The following CDK20 variants were observed in gnomAD, a reference collection of about 807,000 sequenced individuals.
The protein encoded by CDK20 is cyclin dependent kinase 20, also known as cyclin-dependent kinase 20.
A neutral mutation model predicts 38.6 loss-of-function variants in CDK20; 40 were observed. That is an observed-to-expected ratio of 1.04 (90% CI 0.81 to 1.35). The LOEUF (loss-of-function observed/expected upper bound fraction) is 1.35. Ranked by LOEUF, CDK20 falls within the 40% of genes most tolerant of loss-of-function variation. The pLI is 0.00. For missense variants in CDK20, 512 were observed against 452.6 expected (o/e 1.13, Z -1.19); for synonymous variants, 209 against 185.7 (o/e 1.13, Z -1.02).
rs912339168 is a variant in CDK20 at position 87,966,893 on chromosome 9, A to G, written c.*569T>C. ...GGTGCTACCCTCCCCATGACCCCAAAAACGAGAGCCATGAGACAATGCCAC... is the reference window on the plus strand; with the variant it reads ...GGTGCTACCCTCCCCATGACCCCAAGAACGAGAGCCATGAGACAATGCCAC... On this transcript the variant is annotated 3_prime_UTR_variant, in exon 8 of 8. Transcript: ENST00000325303. 2.7e-5 allele frequency: 10 copies of G among 376,472 alleles called. No homozygotes were observed. The East Asian group carries it at 5.8e-4, about 22-fold the overall frequency. 23.3% of individuals were successfully genotyped at this position (376,472 alleles called of 1,614,324 possible).
rs534274923 is a variant in CDK20, at chr9:87,967,371, A to C, written c.*91T>G. 8.7e-5 allele frequency: 112 copies of C among 1,287,180 alleles called. No individual in the cohort carries two copies. The Admixed American group carries it at 9.1e-4, about 10-fold the overall frequency. The allele number at this position is 1,287,180 out of a possible 1,614,324, so 79.7% of individuals were successfully genotyped here. On this transcript the variant is annotated 3_prime_UTR_variant, in exon 8 of 8. Transcript: ENST00000325303. ...GTGTGGGCCCACTGTGGCCATGGGG[A>C]GGCCTTGGAGGGTGAAGCCAGGCAG...
chr9:87,968,230 C>G (rs909974110), intron 7 of CDK20: 1 of 152,898 alleles, frequency 6.5e-6, no homozygotes, highest in Non-Finnish European at 1.5e-5. Context: ...ACAGGAGGGC[C>G]CTGGCAGAGA....
Position 87,970,424 on chromosome 9 carries a change from C to T in CDK20, c.563+144G>A, listed in dbSNP as rs768958664. 8.6e-5 allele frequency: 64 copies of T among 740,824 alleles called. No individual in the cohort carries two copies. In the Admixed American group the frequency reaches 1.2e-3, roughly 14 times the overall value. The allele number at this position is 740,824 out of a possible 1,614,324, so 45.9% of individuals were successfully genotyped here. ...AGTGAGGAACCCCAACCCCAAAGTGCTCAGAATACCCCAACCAGGGAAGAC... is the reference window on the plus strand; with the variant it reads ...AGTGAGGAACCCCAACCCCAAAGTGTTCAGAATACCCCAACCAGGGAAGAC... On this transcript the variant is annotated intron_variant, in intron 5 of 7. Coordinates refer to ENST00000325303, the MANE Select transcript of CDK20 (RefSeq NM_001039803.3).
chr9:87,970,795 T>C lies in CDK20; in HGVS notation c.481A>G (p.Thr161Ala). The change falls in exon 4 of 8, where the codon ACA (threonine) becomes GCA (alanine). Residue 161 changes from threonine (T) to alanine (A), a missense_variant. Transcript: ENST00000325303. ...CCCTACCTGGTGGCCACCTGGTGTG[T>C]GTAGAGGCGGCTGCCGTCTGGGGAA... ...VFSPDGSRLYTHQVATRWYRA... is the reference protein window; with the variant it reads ...VFSPDGSRLYAHQVATRWYRA... 2.5e-6 allele frequency: 4 copies of C among 1,613,970 alleles called. No individual in the cohort carries two copies. The highest frequency in any genetic ancestry group is 3.4e-6 in the Non-Finnish European group (4 of 1,180,016).
intron 5 of CDK20, 129 bp downstream of exon 5, chr9:87,970,439 C>T: frequency 1.2e-6 from 1 of 844,038 alleles, no homozygotes. Context: ...AATACCCCAA[C>T]CAGGGAAGAC....
chr9:87,974,278 G>T, intron 1 of CDK20, 94 bp downstream of exon 1: 1 of 1,365,080 alleles, frequency 7.3e-7, no homozygotes, highest in Non-Finnish European at 1.0e-6. Flanking sequence ...AAACTGTACT[G>T]GATGTAAAAA....
In CDK20 at chr9:87,974,037, T is replaced by C. The variant is rs1395376595; in HGVS notation, c.76-2A>G. ...CTTGAGGGCAACTATCTCGCCAGTC[T>C]GCAGGATAGAAGGCAGACACTGCCA... is the stretch of plus-strand genomic sequence containing the variant. On this transcript the variant is annotated splice_acceptor_variant, in intron 1 of 7. Coordinates refer to ENST00000325303, the MANE Select transcript of CDK20 (RefSeq NM_001039803.3). LOFTEE classifies it high-confidence loss of function. 6.2e-7 allele frequency: 1 copy of C among 1,614,048 alleles called. No homozygotes were observed.
chr9:87,972,711 G>C (rs141130433), intron 2 of CDK20, among the ~76,000 whole-genome samples: 1 of 152,338 alleles, frequency 6.6e-6, no homozygotes, highest in Non-Finnish European at 1.5e-5. Context: ...TGGGCAAGGA[G>C]CAAATCTAGA....
chr9:87,971,791 G>C (rs1020163529), intron 2 of CDK20, among the ~76,000 whole-genome samples: 2 of 152,194 alleles, frequency 1.3e-5, no homozygotes, highest in Admixed American at 6.5e-5. Context: ...GAGGAGCCAG[G>C]CTACACAGAG....
rs1829461375 is a variant in CDK20, at chr9:87,966,761, C to A, written c.*701G>T. 1 of 319,486 alleles carries A rather than the reference C, an allele frequency of 3.1e-6. No individual in the cohort carries two copies. Among genetic ancestry groups the A allele is most frequent in the Non-Finnish European group, 6.2e-6 (1 of 162,170 alleles). The allele number at this position is 319,486 out of a possible 1,614,324, so 19.8% of individuals were successfully genotyped here. A position where few individuals can be genotyped will look rare whatever the true frequency, so the allele number is the denominator to read the frequency against. On this transcript the variant is annotated 3_prime_UTR_variant, in exon 8 of 8. Coordinates refer to ENST00000325303, the MANE Select transcript of CDK20 (RefSeq NM_001039803.3). ...TGCAGAGGGTCTCCTGCTGGATCCCCAACTGGAGCCATCCCTGGGCCTAGA... is the reference window on the plus strand; with the variant it reads ...TGCAGAGGGTCTCCTGCTGGATCCCAAACTGGAGCCATCCCTGGGCCTAGA...
intron 1 of CDK20, 76 bp downstream of exon 1, chr9:87,974,296 G>T: frequency 6.8e-7 from 1 of 1,473,634 alleles, no homozygotes; most frequent in Non-Finnish European, 9.3e-7. Context: ...AAAGGGAACC[G>T]AAACAGTTTA....
Position 87,967,511 on chromosome 9 carries a change from T to C in CDK20, c.992A>G (p.Glu331Gly). The change falls in exon 8 of 8, where the codon GAG becomes GGG. Residue 331 changes from glutamate to glycine, a missense_variant. Transcript: ENST00000325303. The stretch of plus-strand genomic sequence containing the variant: ...AATCAGCTCTGGGTTCAACAGCGAC[T>C]CCTCAAGAGGCCGGTCCACGTGGAA... ...HDFHVDRPLEESLLNPELIRP... is the reference protein window; with the variant it reads ...HDFHVDRPLEGSLLNPELIRP... The C allele has an allele frequency of 6.4e-7, 1 of 1,556,434 alleles. No homozygotes were observed. Among genetic ancestry groups the C allele is most frequent in the Non-Finnish European group, 8.7e-7 (1 of 1,149,842 alleles).
At chr9:87,973,707 T>C (rs1830023095) in intron 2 of CDK20, among the ~76,000 whole-genome samples, 2 of 151,974 alleles carry the variant, frequency 1.3e-5, no homozygotes. Context: ...AGAGTGAATG[T>C]GTGAGAAATG....
At chr9:87,971,394 CCT>C (rs1829851639) in intron 2 of CDK20, 59 bp from the exon 3 acceptor site, 3 of 1,488,770 alleles carry the variant, frequency 2.0e-6, no homozygotes, top group Non-Finnish European at 2.7e-6. Context: ...TCTCTGTGAC[CCT>C]GAGACCCCAG....
At position 87,969,276 on chromosome 9, in the gene CDK20, A is replaced by C. The variant is rs1412573237; in HGVS notation, c.761T>G (p.Leu254Arg). 5 of 1,613,898 alleles carry C rather than the reference A, an allele frequency of 3.1e-6. No individual in the cohort carries two copies. Among genetic ancestry groups the C allele is most frequent in the Non-Finnish European group, 4.2e-6 (5 of 1,179,958 alleles). Reference sequence around the variant, plus strand: ...CAATGCCTGGGGAGAGACGTCAGGCAGCACCTCCTCCAGGGGCATGGGCAC... The same window carrying C: ...CAATGCCTGGGGAGAGACGTCAGGCCGCACCTCCTCCAGGGGCATGGGCAC... ...EQVPMPLEEV[L>R]PDVSPQALDL... The change falls in exon 7 of 8, where the codon CTG (leucine) becomes CGG (arginine). Residue 254 changes from leucine (L) to arginine (R), a missense_variant. Leu to Arg is a moderately radical substitution (Grantham distance 102). Coordinates refer to ENST00000325303, the MANE Select transcript of CDK20 (RefSeq NM_001039803.3).
chr9:87,970,989 C>A, intron 3 of CDK20, 92 bp from the exon 4 acceptor site: 1 of 1,557,128 alleles, frequency 6.4e-7, no homozygotes, highest in East Asian at 2.3e-5. Context: ...CAGGTCAGCC[C>A]CGGTCCCCAC....
At chr9:87,967,993 A>G in intron 7 of CDK20, 1 of 207,214 alleles carries the variant, frequency 4.8e-6, no homozygotes, top group Non-Finnish European at 9.8e-6. Flanking sequence ...AGATCTGAAG[A>G]GTCATGAGGG....
Position 87,967,538 on chromosome 9 carries a change from T to A in CDK20, c.965A>T (p.Asp322Val), listed in dbSNP as rs1465830604. The change falls in exon 8 of 8, where the codon GAC becomes GTC. Residue 322 changes from aspartate (D) to valine (V), a missense_variant. Physicochemically the swap from Asp to Val is radical, Grantham distance 152. Coordinates refer to ENST00000325303, the MANE Select transcript of CDK20 (RefSeq NM_001039803.3). ...CTCAAGAGGCCGGTCCACGTGGAAG[T>A]CATGGATGTGGGGGGGCCCTGGATG... is the stretch of plus-strand genomic sequence containing the variant. ...KAHPGPPHIHDFHVDRPLEES... is the reference protein window; with the variant it reads ...KAHPGPPHIHVFHVDRPLEES... 1.9e-6 allele frequency: 3 copies of A among 1,554,538 alleles called. No homozygotes were observed. In the Admixed American group the frequency reaches 5.8e-5, roughly 30 times the overall value.
chr9:87,969,587 T>G, intron 6 of CDK20: 2 of 814,124 alleles, frequency 2.5e-6, no homozygotes, highest in Non-Finnish European at 3.9e-6. Context: ...ATGTGTGTAC[T>G]GGGGTGAAAA....
Sources: gnomAD v4.1 joint callset for allele counts (sites outside exome capture counted in the v4.1 genomes callset) on GRCh38, gnomAD v4.1.1 for gene constraint, MANE v1.5 for transcripts, NCBI Gene and HGNC (gene_info 2026-07-23, HGNC 2026-07-21) for gene names.